The following UBR4 variants were observed in gnomAD, a reference collection of about 807,000 sequenced individuals.
UBR4 encodes ubiquitin protein ligase E3 component n-recognin 4.
UBR4 carries 124 observed loss-of-function variants against 575.6 expected under a neutral mutation model. The ratio of observed to expected loss-of-function variants is 0.22; its 90% CI spans 0.19 to 0.25. The LOEUF (loss-of-function observed/expected upper bound fraction) is 0.25. UBR4 is among the 10% of genes least tolerant of loss of function. UBR4 has a pLI of 1.00. For missense variants in UBR4, 4,818 were observed against 6,478.8 expected (o/e 0.74, Z 8.80); for synonymous variants, 2,455 against 2,473.7 (o/e 0.99, Z 0.22).
At chr1:19,096,408 C>T in intron 92 of UBR4, 115 bp downstream of exon 92, 1 of 1,483,048 alleles carries the variant, frequency 6.7e-7, no homozygotes. Flanking sequence ...CGCACTGCTC[C>T]ACGGCACCAT....
At chr1:19,183,705 G>C in intron 17 of UBR4, 106 bp downstream of exon 17, 2 of 1,187,702 alleles carry the variant, frequency 1.7e-6, no homozygotes, top group Non-Finnish European at 2.4e-6. Context: ...CTGGGTAACA[G>C]AGCAAGACTC....
chr1:19,156,019 T>C (rs1381019959), intron 42 of UBR4, among the ~76,000 whole-genome samples: 2 of 152,164 alleles, frequency 1.3e-5, no homozygotes, highest in African/African-American at 4.8e-5. Flanking sequence ...CTTGTTATCA[T>C]TTTTAGAGAC....
In UBR4 at chr1:19,173,640, G is replaced by A. The variant is rs2089881864; in HGVS notation, c.2983-19C>T. The A allele has an allele frequency of 2.5e-6, 4 of 1,613,134 alleles. No individual in the cohort carries two copies. The highest frequency in any genetic ancestry group is 3.4e-6 in the Non-Finnish European group (4 of 1,179,362). On this transcript the variant is annotated intron_variant, in intron 22 of 105. Coordinates refer to ENST00000375254, the MANE Select transcript of UBR4 (RefSeq NM_020765.3). ...AGGCCTCCTGGAGAAAGGAAAAGCA[G>A]CATAGAGGTAGCACTTGGTATGGCC...
At position 19,121,425 on chromosome 1, in the gene UBR4, T is replaced by C. The variant is rs1413303510; in HGVS notation, c.9905A>G (p.Tyr3302Cys). 1 of 1,613,236 alleles carries C rather than the reference T, an allele frequency of 6.2e-7. No homozygotes were observed. Among genetic ancestry groups the C allele is most frequent in the Non-Finnish European group, 8.5e-7 (1 of 1,179,430 alleles). Residue 3302 changes from tyrosine to cysteine, a missense_variant, in exon 68 of 106, where the codon TAC becomes TGC. This residue lies in a region of UBR4 where 550 missense variants were observed against 791.5 expected (regional missense o/e 0.69). Transcript: ENST00000375254. ...KFCIKDDSVL[Y>C]FLLQVSFLVD... ...AAGGAAACTGACTTGGAGGAGGAAGTACAGGACGGCTGCAAGCAGAGGAGA... is the reference window on the plus strand; with the variant it reads ...AAGGAAACTGACTTGGAGGAGGAAGCACAGGACGGCTGCAAGCAGAGGAGA...
intron 1 of UBR4, among the ~76,000 whole-genome samples, chr1:19,202,768 T>C (rs538434806): frequency 1.8e-3 from 268 of 152,228 alleles, no homozygotes; most frequent in African/African-American, 6.1e-3. Context: ...CAGGTGCTAA[T>C]CCACAATTGA....
intron 1 of UBR4, among the ~76,000 whole-genome samples, chr1:19,205,599 A>G (rs1214063573): frequency 6.6e-6 from 1 of 151,994 alleles, no homozygotes; most frequent in Non-Finnish European, 1.5e-5. Flanking sequence ...GTAGTCACAA[A>G]GACTAATCTC....
At chr1:19,090,593 T>C (rs2077410378) in intron 97 of UBR4, among the ~76,000 whole-genome samples, 1 of 152,154 alleles carries the variant, frequency 6.6e-6, no homozygotes, top group South Asian at 2.1e-4. Context: ...ATCTCGCTGT[T>C]TAGTTACTAC....
intron 18 of UBR4, among the ~76,000 whole-genome samples, chr1:19,177,949 C>T (rs2151057477): frequency 6.6e-6 from 1 of 152,288 alleles, no homozygotes; most frequent in Non-Finnish European, 1.5e-5. Context: ...GGCACAGTGG[C>T]TCAGTCTATA....
chr1:19,080,716 G>A (rs1159963048), intron 103 of UBR4: 1 of 152,390 alleles, frequency 6.6e-6, no homozygotes, highest in Non-Finnish European at 1.5e-5. Flanking sequence ...TCTGCGCACA[G>A]CAATCCATGG....
chr1:19,196,419 A>G (rs1225940568), intron 8 of UBR4, among the ~76,000 whole-genome samples: 1 of 152,204 alleles, frequency 6.6e-6, no homozygotes, highest in Non-Finnish European at 1.5e-5. Context: ...CTTCACTTGC[A>G]AAACCAAGTA....
rs1004749070 is a variant in UBR4, at chr1:19,108,735, T to G, written c.12105+1361A>C. On this transcript the variant is annotated intron_variant, in intron 81 of 105. Transcript: ENST00000375254. ...AAGAATTACAGGGGCAAATAGTGTC[T>G]TAGGACAATTATGAAAATAACTTTG... 3.9e-5 allele frequency among the ~76,000 whole-genome samples: 6 copies of G among 152,272 alleles called. No homozygotes were observed. In the South Asian group the frequency reaches 1.2e-3, roughly 32 times the overall value.
chr1:19,192,558 G>C lies in UBR4; in HGVS notation c.1144-18C>G. ...ATTTCGAGCTGTACAATATCAAACA[G>C]ACACAAAAATCTGAACAAGCTGACA... On this transcript the variant is annotated intron_variant, in intron 9 of 105. Coordinates refer to ENST00000375254, the MANE Select transcript of UBR4 (RefSeq NM_020765.3). 1 of 1,613,610 alleles carries C rather than the reference G, an allele frequency of 6.2e-7. No individual in the cohort carries two copies. The highest frequency in any genetic ancestry group is 8.5e-7 in the Non-Finnish European group (1 of 1,179,748).
At chr1:19,123,218 G>T (rs939265705) in intron 65 of UBR4, among the ~76,000 whole-genome samples, 158 bp from the exon 66 acceptor site, 1 of 152,088 alleles carries the variant, frequency 6.6e-6, no homozygotes. Context: ...TTGGAATGCC[G>T]AGGTGGGCTG....
chr1:19,077,705 C>G, intron 104 of UBR4: 1 of 1,322,818 alleles, frequency 7.6e-7, no homozygotes, highest in South Asian at 1.2e-5. Flanking sequence ...TGCACTCCAG[C>G]CTGGGCAACA....
intron 42 of UBR4, among the ~76,000 whole-genome samples, chr1:19,155,871 C>T (rs778077767): frequency 6.6e-6 from 1 of 152,180 alleles, no homozygotes; most frequent in Non-Finnish European, 1.5e-5. Flanking sequence ...AGGGGACAGA[C>T]ATACATAAAT....
chr1:19,141,335 A>G lies in UBR4; in HGVS notation c.8488+12T>C. On this transcript the variant is annotated intron_variant, in intron 57 of 105. Coordinates refer to ENST00000375254, the MANE Select transcript of UBR4 (RefSeq NM_020765.3). ...GCCAATGGGCCGCTTTGTTCTTGGC[A>G]TGGCCTTCTACCTTGTTGGTCCTGC... 6.2e-7 allele frequency: 1 copy of G among 1,614,182 alleles called. No individual in the cohort carries two copies. Among genetic ancestry groups the G allele is most frequent in the Non-Finnish European group, 8.5e-7 (1 of 1,180,028 alleles).
intron 52 of UBR4, chr1:19,146,207 G>C (rs1047285757): frequency 1.1e-6 from 1 of 949,904 alleles, no homozygotes; most frequent in African/African-American, 1.7e-5. Flanking sequence ...AGTTCCAACT[G>C]TTCAACTTCT....
intron 29 of UBR4, 75 bp downstream of exon 29, chr1:19,166,947 G>A (rs1440310347): frequency 2.0e-6 from 3 of 1,494,514 alleles, no homozygotes; most frequent in Non-Finnish European, 2.8e-6. Flanking sequence ...ATGACCTAAA[G>A]GCAGCAGTGT....
Position 19,152,105 on chromosome 1 carries a change from G to A in UBR4, c.6996+208C>T, listed in dbSNP as rs2282330. On this transcript the variant is annotated intron_variant, in intron 47 of 105. Coordinates refer to ENST00000375254, the MANE Select transcript of UBR4 (RefSeq NM_020765.3). The surrounding 1 kb of genome is among the most constrained non-coding windows in gnomAD (Gnocchi z 4.4). Reference sequence around the variant, plus strand: ...TTGATGTCCTCTACACAGTAATCCTGCTGGTATTGGTGGAAACCCAACCTG... The same window carrying A: ...TTGATGTCCTCTACACAGTAATCCTACTGGTATTGGTGGAAACCCAACCTG... Among the ~76,000 whole-genome samples the A allele has an allele frequency of 0.02, 2,993 of 152,248 alleles. 41 individuals carry two copies. The highest frequency in any genetic ancestry group is 0.056 in the South Asian group (268 of 4,818).
Sources: allele counts gnomAD v4.1 joint callset (sites outside exome capture counted in the v4.1 genomes callset), GRCh38; gene constraint gnomAD v4.1.1; regional missense constraint gnomAD v4.1.1; non-coding constraint Gnocchi (gnomAD v3.1); transcripts MANE v1.5; gene names NCBI Gene and HGNC (gene_info 2026-07-23, HGNC 2026-07-21).